Variants in SLC6A13 observed in about 807,000 individuals in gnomAD.
The protein encoded by SLC6A13 is sodium- and chloride-dependent GABA transporter 2.
SLC6A13 carries 69 observed loss-of-function variants against 72.9 expected under a neutral mutation model. The ratio of observed to expected loss-of-function variants is 0.95; its 90% confidence interval spans 0.78 to 1.16. The LOEUF (loss-of-function observed/expected upper bound fraction) is 1.16. Ranked by LOEUF, SLC6A13 falls within the 50% of genes most tolerant of loss-of-function variation. SLC6A13 has a pLI of 0.00. For synonymous variants in SLC6A13, 303 were observed against 303.0 expected (o/e 1.00, Z 0.00); for missense variants, 735 against 760.5 (o/e 0.97, Z 0.39).
At chr12:247,248 A>C (rs982956639) in intron 2 of SLC6A13, among the ~76,000 whole-genome samples, 1 of 152,038 alleles carries the variant, frequency 6.6e-6, no homozygotes. Context: ...GATTAAAAAA[A>C]AAATGAAAAA....
At position 237,201 on chromosome 12, in the gene SLC6A13, A is replaced by T. The variant is rs1395231988; in HGVS notation, c.653T>A (p.Ile218Asn). The change falls in exon 6 of 15, where the codon ATC becomes AAC. Residue 218 changes from isoleucine (I) to asparagine (N), a missense_variant. Coordinates refer to ENST00000343164, the MANE Select transcript of SLC6A13 (RefSeq NM_016615.5). ...CCCCTTCCAGATGCAGAAGTAGCAGATGACCCAGGCCAGCAGGAGGCACAG... is the reference window on the plus strand; with the variant it reads ...CCCCTTCCAGATGCAGAAGTAGCAGTTGACCCAGGCCAGCAGGAGGCACAG... Reference protein sequence around the residue: ...LALCLLLAWVICYFCIWKGVK... With the variant: ...LALCLLLAWVNCYFCIWKGVK... 1 of 1,614,094 alleles carries T rather than the reference A, an allele frequency of 6.2e-7. No homozygotes were observed. Among genetic ancestry groups the T allele is most frequent in the East Asian group, 2.2e-5 (1 of 44,852 alleles).
At chr12:258,351 C>T (rs1255772524) in intron 2 of SLC6A13, among the ~76,000 whole-genome samples, 2 of 152,228 alleles carry the variant, frequency 1.3e-5, no homozygotes, top group African/African-American at 2.4e-5. Context: ...CACACCTCCC[C>T]TCTGTATTGA....
In SLC6A13 at chr12:220,759, G is replaced by C; in HGVS notation, c.*189C>G. 1 of 636,986 alleles carries C rather than the reference G, an allele frequency of 1.6e-6. No individual in the cohort carries two copies. The highest frequency in any genetic ancestry group is 2.7e-6 in the Non-Finnish European group (1 of 377,212). 39.5% of individuals were successfully genotyped at this position (636,986 alleles called of 1,614,324 possible). The stretch of plus-strand genomic sequence containing the variant: ...CTCTTGGCACTGGCCTTTCACATCT[G>C]TTCAACAACCCCTGAGCTGAAAAGT... On this transcript the variant is annotated 3_prime_UTR_variant, in exon 15 of 15. Transcript: ENST00000343164.
chr12:240,638 A>T (rs1215461057), intron 4 of SLC6A13, among the ~76,000 whole-genome samples: 1 of 152,266 alleles, frequency 6.6e-6, no homozygotes, highest in Non-Finnish European at 1.5e-5. Flanking sequence ...CACGATCTTG[A>T]TGACTAGTGG....
At chr12:224,901 G>A (rs1157590060) in intron 9 of SLC6A13, among the ~76,000 whole-genome samples, 1 of 152,208 alleles carries the variant, frequency 6.6e-6, no homozygotes, top group East Asian at 1.9e-4. Context: ...GGAGGTGGCT[G>A]GGCCTGGTGG....
intron 4 of SLC6A13, chr12:238,431 G>T: frequency 1.2e-6 from 1 of 838,604 alleles, no homozygotes; most frequent in Non-Finnish European, 1.7e-6. Flanking sequence ...GACCCCACGG[G>T]TATGAACTGT....
rs755436663 is a variant in SLC6A13 at position 226,417 on chromosome 12, C to T, written c.1033G>A (p.Val345Met). 2 of 1,614,008 alleles carry T rather than the reference C, an allele frequency of 1.2e-6. No individual in the cohort carries two copies. The highest frequency in any genetic ancestry group is 1.1e-5 in the South Asian group (1 of 91,084). Residue 345 changes from valine (V) to methionine (M), a missense_variant, in exon 9 of 15, where the codon GTG (valine) becomes ATG (methionine). Transcript: ENST00000343164. ...GACTCGGCCACCTCAGAAATGGGCA[C>T]CCCCTGCTCCTGAGACATGAAGCCC... The part of the protein sequence containing the change: ...ILGFMSQEQG[V>M]PISEVAESGP...
intron 7 of SLC6A13, among the ~76,000 whole-genome samples, chr12:231,807 C>A (rs1459334746): frequency 6.6e-6 from 1 of 152,164 alleles, no homozygotes; most frequent in Non-Finnish European, 1.5e-5. Flanking sequence ...TGTTATATAC[C>A]AAACATGGCA....
chr12:226,412 G>A lies in SLC6A13; in HGVS notation c.1038C>T (p.Pro346=). The change falls in exon 9 of 15, where the codon CCC becomes CCT. Residue 346 remains proline, a synonymous_variant. Transcript: ENST00000343164. Reference sequence around the variant, plus strand: ...CACCTGACTCGGCCACCTCAGAAATGGGCACCCCCTGCTCCTGAGACATGA... The same window carrying A: ...CACCTGACTCGGCCACCTCAGAAATAGGCACCCCCTGCTCCTGAGACATGA... ...LGFMSQEQGV[P]ISEVAESGPG... 1 of 1,614,050 alleles carries A rather than the reference G, an allele frequency of 6.2e-7. No homozygotes were observed. Among genetic ancestry groups the A allele is most frequent in the Non-Finnish European group, 8.5e-7 (1 of 1,179,936 alleles).
At chr12:244,740 C>G (rs1942288871) in intron 2 of SLC6A13, among the ~76,000 whole-genome samples, 1 of 152,138 alleles carries the variant, frequency 6.6e-6, no homozygotes, top group African/African-American at 2.4e-5. Context: ...TGAATATTCT[C>G]TTGCCTTTCT....
intron 2 of SLC6A13, chr12:256,788 A>C (rs991744892): frequency 1.3e-5 from 2 of 152,208 alleles, no homozygotes; most frequent in African/African-American, 4.8e-5. Context: ...CGCCAAGCAC[A>C]AGAGTGGCTA....
chr12:243,064 C>T (rs1489036524), intron 3 of SLC6A13, among the ~76,000 whole-genome samples: 1 of 150,948 alleles, frequency 6.6e-6, no homozygotes, highest in African/African-American at 2.4e-5. Flanking sequence ...GGCTGGAGTG[C>T]AGTGGTGCAA....
chr12:256,467 A>C (rs562609117), intron 2 of SLC6A13: 2 of 151,712 alleles, frequency 1.3e-5, no homozygotes, highest in Non-Finnish European at 2.9e-5. Context: ...CATCCCTCTC[A>C]CTCACCTCCC....
chr12:241,107 C>A (rs941572618), intron 4 of SLC6A13, among the ~76,000 whole-genome samples: 25 of 152,066 alleles, frequency 1.6e-4, no homozygotes, highest in Non-Finnish European at 1.2e-4. Context: ...AGTTCAAGAC[C>A]AGCCTGGCCA....
intron 1 of SLC6A13, 62 bp from the exon 2 acceptor site, chr12:260,119 G>A: frequency 6.5e-7 from 1 of 1,541,842 alleles, no homozygotes; most frequent in South Asian, 1.2e-5. Flanking sequence ...CCCTCCTCCT[G>A]CTTTTACCAA....
intron 2 of SLC6A13, among the ~76,000 whole-genome samples, chr12:247,455 G>A (rs1308198362): frequency 2.0e-5 from 3 of 152,166 alleles, no homozygotes; most frequent in African/African-American, 7.2e-5. Flanking sequence ...CAATAAAGGA[G>A]GAGGGAGAAA....
chr12:258,418 T>C (rs1172320941), intron 2 of SLC6A13, among the ~76,000 whole-genome samples: 1 of 152,214 alleles, frequency 6.6e-6, no homozygotes, highest in Non-Finnish European at 1.5e-5. Context: ...TCGGCAGCTC[T>C]TACTCACCTG....
intron 7 of SLC6A13, among the ~76,000 whole-genome samples, chr12:231,438 G>A (rs1348450837): frequency 6.6e-6 from 1 of 152,174 alleles, no homozygotes; most frequent in Non-Finnish European, 1.5e-5. Flanking sequence ...ACACTTCCTG[G>A]GGAGTGCCAA....
chr12:234,679 G>A (rs527737265), intron 7 of SLC6A13, among the ~76,000 whole-genome samples: 25 of 151,854 alleles, frequency 1.6e-4, no homozygotes, highest in African/African-American at 5.6e-4. Flanking sequence ...CACTACACCC[G>A]GCTAATTTTT....
Sources: allele counts gnomAD v4.1 joint callset (sites outside exome capture counted in the v4.1 genomes callset), GRCh38; gene constraint gnomAD v4.1.1; transcripts MANE v1.5; gene names NCBI Gene and HGNC (gene_info 2026-07-23, HGNC 2026-07-21).